Variants in POU6F2 observed in about 807,000 individuals in gnomAD.
The protein encoded by POU6F2 is POU class 6 homeobox 2.
A neutral mutation model predicts 71.3 loss-of-function variants in POU6F2; 31 were observed. That is an observed-to-expected ratio of 0.43 (90% CI 0.33 to 0.59). The LOEUF (loss-of-function observed/expected upper bound fraction) is 0.59. POU6F2 is among the 20% of genes least tolerant of loss of function. The pLI is 0.04. For synonymous variants in POU6F2, 347 were observed against 355.7 expected (o/e 0.98, Z 0.27); for missense variants, 783 against 856.8 (o/e 0.91, Z 1.07).
intron 1 of POU6F2, among the ~76,000 whole-genome samples, chr7:39,021,183 A>G (rs1789672584): frequency 6.6e-6 from 1 of 151,912 alleles, no homozygotes; most frequent in African/African-American, 2.4e-5. Context: ...AATGTTTGGT[A>G]TATGCTTACA....
intron 5 of POU6F2, among the ~76,000 whole-genome samples, chr7:39,376,295 A>G (rs544978029): frequency 6.6e-6 from 1 of 152,326 alleles, no homozygotes; most frequent in South Asian, 2.1e-4. Context: ...AAGGACAGCA[A>G]AGGAGATTTG....
At chr7:39,063,495 T>C (rs770655469) in intron 1 of POU6F2, among the ~76,000 whole-genome samples, 4 of 152,082 alleles carry the variant, frequency 2.6e-5, no homozygotes, top group Admixed American at 1.3e-4. Flanking sequence ...CACGTAAAAC[T>C]CTTGCAAAAC....
chr7:39,056,644 CTT>C (rs142917727), intron 1 of POU6F2, among the ~76,000 whole-genome samples: 13,409 of 142,166 alleles, frequency 0.094, 702 homozygotes, highest in Middle Eastern at 0.14. Flanking sequence ...CTCTCTTTCT[CTT>C]TTTCTCTCTC....
chr7:39,370,101 T>C (rs1786579325), intron 5 of POU6F2, among the ~76,000 whole-genome samples: 1 of 152,214 alleles, frequency 6.6e-6, no homozygotes. Context: ...ATATTGACTT[T>C]ATTGTGGTAG....
intron 4 of POU6F2, among the ~76,000 whole-genome samples, chr7:39,275,897 T>G (rs1056366029): frequency 1.3e-5 from 2 of 151,554 alleles, no homozygotes; most frequent in Admixed American, 1.3e-4. Context: ...ATACAAAAAT[T>G]AATTCAAGAT....
chr7:39,060,380 T>C (rs1790629968), intron 1 of POU6F2, among the ~76,000 whole-genome samples: 1 of 152,180 alleles, frequency 6.6e-6, no homozygotes, highest in African/African-American at 2.4e-5. Flanking sequence ...TGTTGAAATG[T>C]TGATTCTGGT....
intron 9 of POU6F2, among the ~76,000 whole-genome samples, chr7:39,462,647 T>A (rs1346611098): frequency 1.3e-5 from 2 of 152,172 alleles, no homozygotes; most frequent in Non-Finnish European, 2.9e-5. Context: ...ATGTGGCAAA[T>A]TAGCACAACA....
At chr7:39,078,978 A>G (rs1791055469) in intron 1 of POU6F2, among the ~76,000 whole-genome samples, 1 of 152,138 alleles carries the variant, frequency 6.6e-6, no homozygotes, top group South Asian at 2.1e-4. Context: ...TACAGCATCT[A>G]TTTGAGTCTT....
At chr7:39,197,761 A>T (rs1793817199) in intron 2 of POU6F2, among the ~76,000 whole-genome samples, 1 of 152,192 alleles carries the variant, frequency 6.6e-6, no homozygotes, top group Admixed American at 6.5e-5. Context: ...TCTGTGTCTG[A>T]CTTCGTTCCG....
chr7:39,011,201 G>A (rs1789273300), intron 1 of POU6F2, among the ~76,000 whole-genome samples: 1 of 141,044 alleles, frequency 7.1e-6, no homozygotes, highest in African/African-American at 2.6e-5. Flanking sequence ...TATGAATCTG[G>A]GTGCTCCTGT....
At chr7:39,171,398 G>T (rs992583597) in intron 2 of POU6F2, among the ~76,000 whole-genome samples, 1 of 151,990 alleles carries the variant, frequency 6.6e-6, no homozygotes. Context: ...CTTAAAGGTG[G>T]AATATCCAAT....
At chr7:39,038,628 C>A (rs1055825158) in intron 1 of POU6F2, among the ~76,000 whole-genome samples, 3 of 151,878 alleles carry the variant, frequency 2.0e-5, no homozygotes, top group African/African-American at 7.2e-5. Context: ...GAATTAAGTG[C>A]GGTGTTTATT....
At chr7:39,359,154 T>G (rs190048935) in intron 5 of POU6F2, among the ~76,000 whole-genome samples, 1 of 152,250 alleles carries the variant, frequency 6.6e-6, no homozygotes, top group East Asian at 1.9e-4. Context: ...AAAATGATTT[T>G]TTTTCTGGGT....
Position 39,292,946 on chromosome 7 carries a change from C to T in POU6F2, c.599-46696C>T, listed in dbSNP as rs532560526. Among the ~76,000 whole-genome samples the T allele has an allele frequency of 4.4e-4, 67 of 152,262 alleles. 2 individuals are homozygous for T. Among genetic ancestry groups the T allele is most frequent in the South Asian group, 6.2e-4 (3 of 4,828 alleles). ...CAGAGTAGGCTGTGCGCAAATGAGC[C>T]GTTTCGTACCTCCCTTCCAAACCCC... On this transcript the variant is annotated intron_variant, in intron 4 of 9. Coordinates refer to ENST00000518318, the MANE Select transcript of POU6F2 (RefSeq NM_001370959.1).
intron 4 of POU6F2, among the ~76,000 whole-genome samples, chr7:39,211,358 G>A (rs1238639821): frequency 6.6e-6 from 1 of 152,136 alleles, no homozygotes; most frequent in East Asian, 1.9e-4. Context: ...CTCCAGATGA[G>A]AATGACAGAA....
chr7:39,290,026 C>T (rs1353443919), intron 4 of POU6F2, among the ~76,000 whole-genome samples: 1 of 152,070 alleles, frequency 6.6e-6, no homozygotes, highest in Non-Finnish European at 1.5e-5. Flanking sequence ...AATCATTTCT[C>T]TTTAATTAGA....
chr7:39,185,235 A>G (rs1334715639), intron 2 of POU6F2, among the ~76,000 whole-genome samples: 2 of 152,086 alleles, frequency 1.3e-5, no homozygotes, highest in Non-Finnish European at 2.9e-5. Context: ...GTGAAGGACA[A>G]TAGTGTACTA....
At chr7:39,224,562 C>A (rs939848095) in intron 4 of POU6F2, among the ~76,000 whole-genome samples, 1 of 152,118 alleles carries the variant, frequency 6.6e-6, no homozygotes, top group Non-Finnish European at 1.5e-5. Flanking sequence ...GGGTTCCACT[C>A]CCTCAACACA....
At position 39,451,602 on chromosome 7, in the gene POU6F2, A is replaced by G; in HGVS notation, c.1390A>G (p.Ser464Gly). Residue 464 changes from serine to glycine, a missense_variant, in exon 8 of 10, where the codon AGC becomes GGC. Ser to Gly is a moderately conservative substitution (Grantham distance 56). Transcript: ENST00000518318. ...AGGCAACCTTCTGCACCTGGCTCAC[A>G]GCCAAGCATCCATGTCTCAAAGTCC... is the stretch of plus-strand genomic sequence containing the variant. ...SQGNLLHLAH[S>G]QASMSQSPVR... is the part of the protein sequence containing the mutation. 1 of 1,613,788 alleles carries G rather than the reference A, an allele frequency of 6.2e-7. No homozygotes were observed. Among genetic ancestry groups the G allele is most frequent in the Non-Finnish European group, 8.5e-7 (1 of 1,179,812 alleles).
Sources: gnomAD v4.1 joint callset for allele counts (sites outside exome capture counted in the v4.1 genomes callset) on GRCh38, gnomAD v4.1.1 for gene constraint, MANE v1.5 for transcripts, NCBI Gene and HGNC (gene_info 2026-07-23, HGNC 2026-07-21) for gene names.